BMP5: variants seen among roughly 807,000 people sequenced by gnomAD.
BMP5 encodes bone morphogenetic protein 5.
A neutral mutation model predicts 46.6 loss-of-function variants in BMP5; 23 were observed. That is an observed-to-expected ratio of 0.49 (90% confidence interval 0.35 to 0.70). The LOEUF is 0.70. Among genes scored for constraint, BMP5 ranks in the 30% least tolerant of loss-of-function variants. The pLI is 0.00. For synonymous variants in BMP5, 204 were observed against 191.9 expected (o/e 1.06, Z -0.52); for missense variants, 545 against 565.6 (o/e 0.96, Z 0.37).
intron 1 of BMP5, among the ~76,000 whole-genome samples, chr6:55,864,247 T>C (rs1777589438): frequency 6.6e-6 from 1 of 152,142 alleles, no homozygotes; most frequent in Non-Finnish European, 1.5e-5. Flanking sequence ...ACGATTTGAG[T>C]ATGTCCTCTC....
intron 2 of BMP5, among the ~76,000 whole-genome samples, chr6:55,807,278 G>A (rs958514009): frequency 2.6e-5 from 4 of 152,136 alleles, no homozygotes; most frequent in African/African-American, 9.7e-5. Flanking sequence ...TTAACATGAA[G>A]GGATGTTGAA....
chr6:55,827,104 A>G (rs1221587435), intron 1 of BMP5, among the ~76,000 whole-genome samples: 1 of 151,694 alleles, frequency 6.6e-6, no homozygotes, highest in African/African-American at 2.4e-5. Flanking sequence ...TGTGGAGACA[A>G]TAGAACACTG....
chr6:55,799,147 G>A (rs907604815), intron 2 of BMP5, among the ~76,000 whole-genome samples: 1 of 152,064 alleles, frequency 6.6e-6, no homozygotes, highest in East Asian at 1.9e-4. Flanking sequence ...ATTAAAAATG[G>A]TATGACAATC....
intron 1 of BMP5, among the ~76,000 whole-genome samples, chr6:55,869,756 A>G (rs1356962129): frequency 6.6e-6 from 1 of 152,148 alleles, no homozygotes; most frequent in Non-Finnish European, 1.5e-5. Flanking sequence ...ATTACAGGGG[A>G]TGGCAAGAGC....
intron 1 of BMP5, among the ~76,000 whole-genome samples, chr6:55,861,533 A>T (rs1343229624): frequency 6.6e-6 from 1 of 152,168 alleles, no homozygotes; most frequent in Non-Finnish European, 1.5e-5. Context: ...CTCATTACTG[A>T]CCAATTAGAT....
At chr6:55,807,280 G>C (rs1346692478) in intron 2 of BMP5, among the ~76,000 whole-genome samples, 4 of 152,120 alleles carry the variant, frequency 2.6e-5, no homozygotes, top group African/African-American at 9.7e-5. Flanking sequence ...AACATGAAGG[G>C]ATGTTGAACT....
chr6:55,808,387 T>A (rs1349149834), intron 2 of BMP5, among the ~76,000 whole-genome samples: 1 of 152,174 alleles, frequency 6.6e-6, no homozygotes, highest in East Asian at 1.9e-4. Context: ...GCCCTTCTCC[T>A]GCCATAGGAG....
intron 2 of BMP5, among the ~76,000 whole-genome samples, chr6:55,795,646 A>T (rs1001376669): frequency 6.6e-6 from 1 of 152,162 alleles, no homozygotes; most frequent in Non-Finnish European, 1.5e-5. Flanking sequence ...AAAAATGTGT[A>T]TCTTAGAAAC....
At position 55,806,569 on chromosome 6, in the gene BMP5, T is replaced by C. The variant is rs188872362; in HGVS notation, c.684-12142A>G. Among the ~76,000 whole-genome samples the C allele has an allele frequency of 2.8e-3, 429 of 152,314 alleles. 2 individuals are homozygous for C. The highest frequency in any genetic ancestry group is 9.8e-3 in the African/African-American group (407 of 41,552). Reference sequence around the variant, plus strand: ...CTCTACAGACTCCTTTTTGATTCCATATGAAATTTAAAGTAGTTTTTTCTA... The same window carrying C: ...CTCTACAGACTCCTTTTTGATTCCACATGAAATTTAAAGTAGTTTTTTCTA... On this transcript the variant is annotated intron_variant, in intron 2 of 6. Transcript: ENST00000370830.
At chr6:55,819,037 T>C (rs1776346995) in intron 2 of BMP5, among the ~76,000 whole-genome samples, 2 of 152,180 alleles carry the variant, frequency 1.3e-5, no homozygotes, top group African/African-American at 4.8e-5. Flanking sequence ...TGAAAAAATG[T>C]GTTATCCAAG....
At chr6:55,858,200 A>G (rs1363177054) in intron 1 of BMP5, among the ~76,000 whole-genome samples, 1 of 152,006 alleles carries the variant, frequency 6.6e-6, no homozygotes, top group Non-Finnish European at 1.5e-5. Context: ...TAATTCTAAA[A>G]CTCTAACTCC....
intron 2 of BMP5, among the ~76,000 whole-genome samples, chr6:55,803,157 G>A (rs564919121): frequency 4.3e-4 from 57 of 131,342 alleles, no homozygotes; most frequent in African/African-American, 1.5e-3. Context: ...TGGGGGGGTG[G>A]GGGGGGCAGG....
chr6:55,787,009 A>G (rs542564922), intron 3 of BMP5, among the ~76,000 whole-genome samples: 3 of 151,668 alleles, frequency 2.0e-5, no homozygotes, highest in Non-Finnish European at 3.0e-5. Flanking sequence ...ATAAATAATA[A>G]TGAGAAACTG....
chr6:55,850,485 C>T (rs990639948), intron 1 of BMP5, among the ~76,000 whole-genome samples: 2 of 151,984 alleles, frequency 1.3e-5, no homozygotes, highest in African/African-American at 4.8e-5. Context: ...GGATGCTGGG[C>T]CCCAGTGATA....
chr6:55,773,891 T>A (rs1449350650), intron 4 of BMP5, among the ~76,000 whole-genome samples, 158 bp downstream of exon 4: 1 of 151,982 alleles, frequency 6.6e-6, no homozygotes, highest in Non-Finnish European at 1.5e-5. Context: ...ACTGAGTGAT[T>A]CACTGATGAA....
intron 4 of BMP5, among the ~76,000 whole-genome samples, chr6:55,769,711 G>T (rs1333063470): frequency 1.3e-5 from 2 of 151,880 alleles, no homozygotes; most frequent in Non-Finnish European, 2.9e-5. Context: ...GGAAGCTGTA[G>T]AATTACAAAA....
At chr6:55,867,460 T>C (rs1582133140) in intron 1 of BMP5, among the ~76,000 whole-genome samples, 1 of 152,144 alleles carries the variant, frequency 6.6e-6, no homozygotes, top group African/African-American at 2.4e-5. Flanking sequence ...CTCTCCTAAA[T>C]AATTCAGTTT....
intron 1 of BMP5, among the ~76,000 whole-genome samples, chr6:55,860,128 AGCC>A (rs1777495438): frequency 6.6e-6 from 1 of 152,164 alleles, no homozygotes; most frequent in African/African-American, 2.4e-5. Context: ...TTTAAAAATT[AGCC>A]ATGTGCAGTG....
intron 1 of BMP5, among the ~76,000 whole-genome samples, chr6:55,851,990 T>C (rs1326106233): frequency 6.6e-6 from 1 of 152,144 alleles, no homozygotes; most frequent in Non-Finnish European, 1.5e-5. Flanking sequence ...GAAATTGTAT[T>C]AGCCCAAATT....
Sources: allele counts gnomAD v4.1 joint callset (sites outside exome capture counted in the v4.1 genomes callset), GRCh38; gene constraint gnomAD v4.1.1; transcripts MANE v1.5; gene names NCBI Gene and HGNC (gene_info 2026-07-23, HGNC 2026-07-21).